PCDHGA5: variants seen among roughly 807,000 people sequenced by gnomAD.
The protein encoded by PCDHGA5 is protocadherin gamma subfamily A, 5.
Under a neutral mutation model 56.7 loss-of-function variants are expected in PCDHGA5, and 36 were observed. That is an observed-to-expected ratio of 0.64 (90% CI 0.49 to 0.84). PCDHGA5 has a LOEUF of 0.84. Among genes scored for constraint, PCDHGA5 ranks in the 40% least tolerant of loss-of-function variants. The pLI is 0.00. For synonymous variants in PCDHGA5, 563 were observed against 520.2 expected (o/e 1.08, Z -1.12); for missense variants, 1,305 against 1,201.5 (o/e 1.09, Z -1.27).
At chr5:141,484,478 A>G (rs2099596967) in intron 1 of PCDHGA5, among the ~76,000 whole-genome samples, 1 of 152,244 alleles carries the variant, frequency 6.6e-6, no homozygotes, top group Admixed American at 6.5e-5. Context: ...CTTTTCTGCA[A>G]AGAGATGGAT....
At chr5:141,374,130 T>A (rs368568776) in intron 1 of PCDHGA5, 2 of 1,604,204 alleles carry the variant, frequency 1.2e-6, no homozygotes, top group Middle Eastern at 1.7e-4. Context: ...CAGGTCCTGC[T>A]CCTCACGCTC....
At chr5:141,449,215 T>C (rs2098631967) in intron 1 of PCDHGA5, among the ~76,000 whole-genome samples, 2 of 152,170 alleles carry the variant, frequency 1.3e-5, no homozygotes, top group Non-Finnish European at 2.9e-5. Context: ...ACTTTCTGTT[T>C]TGAAATGATT....
intron 3 of PCDHGA5, chr5:141,508,338 A>T (rs1245526252): frequency 1.3e-5 from 2 of 152,224 alleles, no homozygotes; most frequent in Non-Finnish European, 2.9e-5. Flanking sequence ...AACTGACTCT[A>T]CAGAAAGTCA....
chr5:141,384,464 A>G, intron 1 of PCDHGA5: 2 of 1,614,112 alleles, frequency 1.2e-6, no homozygotes, highest in Non-Finnish European at 1.7e-6. Context: ...TCCTTTGATT[A>G]TGAGCAGTTG....
At position 141,384,374 on chromosome 5, in the gene PCDHGA5, C is replaced by T; in HGVS notation, c.2421+17623C>T. 3.1e-6 allele frequency: 5 copies of T among 1,613,920 alleles called. No individual in the cohort carries two copies. In the South Asian group the frequency reaches 5.5e-5, roughly 18 times the overall value. ...AATGCCCAGATCACTTATTCCTTGG[C>T]CGAAGACACCATCCAGGGGGCTCCA... is the stretch of plus-strand genomic sequence containing the variant. On this transcript the variant is annotated intron_variant, in intron 1 of 3. Transcript: ENST00000518069.
intron 1 of PCDHGA5, chr5:141,413,459 A>C: frequency 1.9e-6 from 3 of 1,614,080 alleles, no homozygotes; most frequent in Non-Finnish European, 2.5e-6. Flanking sequence ...GGCAGGATAG[A>C]CCGGGAGGAG....
chr5:141,409,552 A>G, intron 1 of PCDHGA5: 8 of 1,613,962 alleles, frequency 5.0e-6, no homozygotes, highest in Non-Finnish European at 6.8e-6. Flanking sequence ...ACAACGCCCC[A>G]GTTTTCGACC....
At chr5:141,433,828 ACT>A (rs1431945413) in intron 1 of PCDHGA5, among the ~76,000 whole-genome samples, 2 of 142,254 alleles carry the variant, frequency 1.4e-5, no homozygotes, top group Admixed American at 7.0e-5. Flanking sequence ...CAAGAGTGAA[ACT>A]CTATCTCAAA....
Position 141,366,156 on chromosome 5 carries a change from T to G in PCDHGA5, c.1826T>G (p.Leu609Arg). Residue 609 changes from leucine (L) to arginine (R), a missense_variant, in exon 1 of 4, where the codon CTT (leucine) becomes CGT (arginine). Leu to Arg is a moderately radical substitution (Grantham distance 102, BLOSUM62 -2). Coordinates refer to ENST00000518069, the MANE Select transcript of PCDHGA5 (RefSeq NM_018918.3). ...GQNAWLSYRL[L>R]KASEPGLFAV... ...AACGCCTGGCTGTCCTACCGCCTGC[T>G]TAAGGCCAGCGAGCCAGGACTCTTT... 1.2e-6 allele frequency: 2 copies of G among 1,614,138 alleles called. No individual in the cohort carries two copies. The highest frequency in any genetic ancestry group is 1.3e-5 in the African/African-American group (1 of 75,072).
intron 1 of PCDHGA5, among the ~76,000 whole-genome samples, chr5:141,380,390 G>A (rs1339602607): frequency 6.6e-6 from 1 of 152,198 alleles, no homozygotes; most frequent in African/African-American, 2.4e-5. Context: ...AGAAAAGAGA[G>A]AAGATAATCA....
chr5:141,381,583 A>G (rs766567706), intron 1 of PCDHGA5, among the ~76,000 whole-genome samples: 1 of 152,214 alleles, frequency 6.6e-6, no homozygotes, highest in Non-Finnish European at 1.5e-5. Context: ...CAGCCAATCC[A>G]TTATCCAGTT....
chr5:141,496,772 T>C (rs994207358), intron 2 of PCDHGA5, among the ~76,000 whole-genome samples: 9 of 152,008 alleles, frequency 5.9e-5, no homozygotes, highest in African/African-American at 1.2e-4. Flanking sequence ...GCATCTACTA[T>C]GAGCAGGGCC....
chr5:141,364,768 G>C lies in PCDHGA5; in HGVS notation c.438G>C (p.Ala146=). The C allele has an allele frequency of 6.2e-7, 1 of 1,613,956 alleles. No homozygotes were observed. Among genetic ancestry groups the C allele is most frequent in the Non-Finnish European group, 8.5e-7 (1 of 1,179,898 alleles). ...TAAAAGTAAAAGTTAATGAAAATGCGGCTGCAGGGACACGGTTAGTGCTTC... is the reference window on the plus strand; with the variant it reads ...TAAAAGTAAAAGTTAATGAAAATGCCGCTGCAGGGACACGGTTAGTGCTTC... ...EELKVKVNEN[A]AAGTRLVLPF... Residue 146 remains alanine, a synonymous_variant, in exon 1 of 4, where the codon GCG becomes GCC. Transcript: ENST00000518069.
At chr5:141,427,192 A>T (rs1191677237) in intron 1 of PCDHGA5, 1 of 456,566 alleles carries the variant, frequency 2.2e-6, no homozygotes. Context: ...AAATCCAAAG[A>T]CTTAATAGAC....
chr5:141,478,127 C>T (rs1323163663), intron 1 of PCDHGA5: 1 of 1,613,988 alleles, frequency 6.2e-7, no homozygotes, highest in Admixed American at 1.7e-5. Flanking sequence ...CGAGGACTCT[C>T]CTGAAGCCCG....
At chr5:141,421,436 G>C (rs373015809) in intron 1 of PCDHGA5, 6 of 1,613,994 alleles carry the variant, frequency 3.7e-6, no homozygotes, top group African/African-American at 2.7e-5. Context: ...ATCGTCTCCA[G>C]AGGGAAGACA....
At chr5:141,413,151 T>C (rs1192899612) in intron 1 of PCDHGA5, 5 of 1,573,560 alleles carry the variant, frequency 3.2e-6, no homozygotes, top group South Asian at 1.2e-5. Context: ...GTGAGGACTT[T>C]GCAGAATTCT....
chr5:141,375,539 CAA>C lies in PCDHGA5; in HGVS notation c.2421+8789_2421+8790del, dbSNP rs761563017. The C allele has an allele frequency of 1.7e-5, 28 of 1,613,986 alleles. No homozygotes were observed. The East Asian group carries it at 6.0e-4, about 35-fold the overall frequency. On this transcript the variant is annotated intron_variant, in intron 1 of 3. Transcript: ENST00000518069. ...GGACCCTGACGTGGACCAGAACGCC[CAA>C]GTCTCCTACTCACTGGCAGAAGACA...
intron 1 of PCDHGA5, chr5:141,413,082 A>G: frequency 7.4e-7 from 1 of 1,344,446 alleles, no homozygotes; most frequent in African/African-American, 1.5e-5. Context: ...CCCAGGCTAC[A>G]GAGACACCCT....
Sources: allele counts gnomAD v4.1 joint callset (sites outside exome capture counted in the v4.1 genomes callset), GRCh38; gene constraint gnomAD v4.1.1; transcripts MANE v1.5; gene names NCBI Gene and HGNC (gene_info 2026-07-23, HGNC 2026-07-21).